The following PLA2G4A variants were observed in gnomAD, a reference collection of about 807,000 sequenced individuals.
PLA2G4A encodes the protein phospholipase A2 group IVA, also known as cytosolic phospholipase A2.
A neutral mutation model predicts 81.9 loss-of-function variants in PLA2G4A; 40 were observed. The observed-to-expected ratio is 0.49, with a 90% CI of 0.38 to 0.64. PLA2G4A has a LOEUF of 0.64. PLA2G4A is among the 30% of genes least tolerant of loss of function. PLA2G4A has a pLI of 0.00. For synonymous variants in PLA2G4A, 302 were observed against 296.9 expected (o/e 1.02, Z -0.18); for missense variants, 715 against 905.1 (o/e 0.79, Z 2.69).
intron 3 of PLA2G4A, among the ~76,000 whole-genome samples, chr1:186,886,031 A>G (rs943902622): frequency 1.4e-4 from 22 of 152,116 alleles, no homozygotes; most frequent in African/African-American, 5.3e-4. Context: ...AATGACCAAG[A>G]GTGGATTTCT....
intron 3 of PLA2G4A, among the ~76,000 whole-genome samples, chr1:186,880,179 AC>A (rs1289528030): frequency 6.6e-6 from 1 of 151,948 alleles, no homozygotes; most frequent in Admixed American, 6.6e-5. Context: ...GGCTTAAATA[AC>A]CCTTTGGAAA....
At position 186,875,809 on chromosome 1, in the gene PLA2G4A, C is replaced by T. The variant is rs1027679688; in HGVS notation, c.115+5293C>T. On this transcript the variant is annotated intron_variant, in intron 3 of 17. Coordinates refer to ENST00000367466, the MANE Select transcript of PLA2G4A (RefSeq NM_024420.3). ...TTCTCTCCTGCAAAGAGCTTTGGTT[C>T]CGATGTGGCATCCTCATGGTGTAAT... 2.0e-5 allele frequency among the ~76,000 whole-genome samples: 3 copies of T among 152,118 alleles called. No individual in the cohort carries two copies. The South Asian group carries it at 6.2e-4, about 32-fold the overall frequency.
chr1:186,829,232 C>A (rs1251990248), intron 1 of PLA2G4A, among the ~76,000 whole-genome samples, 197 bp downstream of exon 1: 2 of 152,126 alleles, frequency 1.3e-5, no homozygotes, highest in East Asian at 1.9e-4. Flanking sequence ...TTCTTCAAAC[C>A]CACGCAGATT....
intron 8 of PLA2G4A, among the ~76,000 whole-genome samples, chr1:186,935,402 G>A (rs1452882975): frequency 1.8e-5 from 1 of 56,142 alleles, no homozygotes; most frequent in Non-Finnish European, 3.7e-5. Flanking sequence ...CCAGGGAAGG[G>A]TTTTTATTTT....
intron 3 of PLA2G4A, among the ~76,000 whole-genome samples, chr1:186,886,017 A>T (rs752345152): frequency 1.3e-5 from 2 of 152,156 alleles, no homozygotes; most frequent in African/African-American, 4.8e-5. Flanking sequence ...TATATTGAAA[A>T]GCAAATGACC....
At chr1:186,842,430 T>C (rs1016543720) in intron 1 of PLA2G4A, among the ~76,000 whole-genome samples, 5 of 152,178 alleles carry the variant, frequency 3.3e-5, no homozygotes, top group African/African-American at 1.2e-4. Context: ...CTAACAATTG[T>C]ATGCTGCTTT....
intron 10 of PLA2G4A, among the ~76,000 whole-genome samples, chr1:186,941,993 A>G (rs998876802): frequency 3.3e-5 from 5 of 152,196 alleles, no homozygotes; most frequent in African/African-American, 1.2e-4. Context: ...GTACATTTTA[A>G]CAATTTAGAA....
At chr1:186,841,783 G>A (rs1392950906) in intron 1 of PLA2G4A, among the ~76,000 whole-genome samples, 2 of 152,112 alleles carry the variant, frequency 1.3e-5, no homozygotes, top group African/African-American at 4.8e-5. Flanking sequence ...TGCTTTGTTT[G>A]TAATGCATTA....
At chr1:186,919,552 A>AGACCTAGGTC (rs1655268925) in intron 7 of PLA2G4A, among the ~76,000 whole-genome samples, 1 of 152,076 alleles carries the variant, frequency 6.6e-6, no homozygotes, top group South Asian at 2.1e-4. Context: ...TTGGCAGGAA[A>AGACCTAGGTC]TTTTTGTAGG....
At chr1:186,972,491 A>C (rs2102287747) in intron 15 of PLA2G4A, among the ~76,000 whole-genome samples, 1 of 152,270 alleles carries the variant, frequency 6.6e-6, no homozygotes, top group East Asian at 1.9e-4. Context: ...AAAGCAAGGA[A>C]TATAGAAGAA....
intron 5 of PLA2G4A, among the ~76,000 whole-genome samples, chr1:186,896,800 C>T (rs1482774225): frequency 2.0e-5 from 3 of 152,094 alleles, no homozygotes; most frequent in Non-Finnish European, 4.4e-5. Context: ...TGTTTTCAGA[C>T]TTCTTTGTAG....
intron 3 of PLA2G4A, among the ~76,000 whole-genome samples, chr1:186,882,476 T>C (rs1653772969): frequency 1.3e-5 from 2 of 152,140 alleles, no homozygotes; most frequent in African/African-American, 2.4e-5. Context: ...TTAGAATGAA[T>C]ATTTCTGCCA....
At chr1:186,968,391 G>A (rs986572819) in intron 15 of PLA2G4A, among the ~76,000 whole-genome samples, 11 of 24,804 alleles carry the variant, frequency 4.4e-4, no homozygotes, top group African/African-American at 1.7e-3. Flanking sequence ...GTCTCTTTTC[G>A]CGGTGTGTAT....
At chr1:186,937,404 A>G (rs2102214607) in intron 8 of PLA2G4A, among the ~76,000 whole-genome samples, 1 of 151,790 alleles carries the variant, frequency 6.6e-6, no homozygotes, top group Non-Finnish European at 1.5e-5. Context: ...AACTATAGGA[A>G]TAAATGAACT....
chr1:186,841,298 C>T (rs533758484), intron 1 of PLA2G4A, among the ~76,000 whole-genome samples: 2 of 152,046 alleles, frequency 1.3e-5, no homozygotes, highest in Non-Finnish European at 2.9e-5. Context: ...ATTTGTTTTC[C>T]TCAAATTCAT....
At position 186,932,874 on chromosome 1, in the gene PLA2G4A, G is replaced by A. The variant is rs12720588; in HGVS notation, c.670G>A (p.Val224Ile). ...ESGILDCATY[V>I]AGLSGSTWYM... Reference sequence around the variant, plus strand: ...AGGAATTCTGGATTGTGCTACCTACGTTGCTGGTCTTTCTGGCTCCACCTG... The same window carrying A: ...AGGAATTCTGGATTGTGCTACCTACATTGCTGGTCTTTCTGGCTCCACCTG... Residue 224 changes from valine to isoleucine, a missense_variant, in exon 8 of 18, where the codon GTT (valine) becomes ATT (isoleucine). Transcript: ENST00000367466. 338 of 1,612,530 alleles carry A rather than the reference G, an allele frequency of 2.1e-4. 1 individual carries two copies. The East Asian group carries it at 6.4e-3, about 31-fold the overall frequency.
Position 186,836,947 on chromosome 1 carries a change from T to C in PLA2G4A, c.-70+7912T>C, listed in dbSNP as rs185063079. ...AGAATTGAAGCACAGATGTGACGGA[T>C]AAAAAGCCATCTACGGGAGGCGGTA... On this transcript the variant is annotated intron_variant, in intron 1 of 17. Coordinates refer to ENST00000367466, the MANE Select transcript of PLA2G4A (RefSeq NM_024420.3). Among the ~76,000 whole-genome samples, 7 of 152,090 alleles carry C rather than the reference T, an allele frequency of 4.6e-5. No homozygotes were observed. The East Asian group carries it at 9.7e-4, about 21-fold the overall frequency.
intron 13 of PLA2G4A, among the ~76,000 whole-genome samples, chr1:186,952,641 G>C (rs192949366): frequency 6.6e-6 from 1 of 152,068 alleles, no homozygotes; most frequent in African/African-American, 2.4e-5. Flanking sequence ...AATATGTAAT[G>C]ACATATATTC....
At chr1:186,886,010 A>C (rs1653925520) in intron 3 of PLA2G4A, among the ~76,000 whole-genome samples, 1 of 152,088 alleles carries the variant, frequency 6.6e-6, no homozygotes, top group South Asian at 2.1e-4. Context: ...AATAAAATAT[A>C]TTGAAAAGCA....
Sources: gnomAD v4.1 joint callset for allele counts (sites outside exome capture counted in the v4.1 genomes callset) on GRCh38, gnomAD v4.1.1 for gene constraint, MANE v1.5 for transcripts, NCBI Gene and HGNC (gene_info 2026-07-23, HGNC 2026-07-21) for gene names.